HERC1: variants seen among roughly 807,000 people sequenced by gnomAD.
The protein encoded by HERC1 is probable E3 ubiquitin-protein ligase HERC1.
HERC1 carries 160 observed loss-of-function variants against 554.3 expected under a neutral mutation model. The observed-to-expected ratio is 0.29, with a 90% confidence interval of 0.25 to 0.33. HERC1 has a LOEUF of 0.33. Ranked by LOEUF, HERC1 falls within the 10% of genes least tolerant of loss-of-function variation. The probability of loss-of-function intolerance (pLI) is 1.00; values close to 1 mark genes in which losing one functional copy is unlikely to be tolerated. For missense variants in HERC1, 4,919 were observed against 5,918.5 expected, an observed-to-expected ratio of 0.83 and a Z score of 5.54; for synonymous variants, 2,175 against 2,131.7, an observed-to-expected ratio of 1.02 and a Z score of -0.56.
At chr15:63,757,400 T>C (rs2075460131) in intron 4 of HERC1, among the ~76,000 whole-genome samples, 1 of 151,460 alleles carries the variant, frequency 6.6e-6, no homozygotes, top group Non-Finnish European at 1.5e-5. Context: ...GTACATGAGA[T>C]TATAGGCACG....
chr15:63,694,437 C>T lies in HERC1; in HGVS notation c.5355G>A (p.Leu1785=), dbSNP rs2072289200. The T allele has an allele frequency of 6.2e-7, 1 of 1,613,978 alleles. No individual in the cohort carries two copies. Among genetic ancestry groups the T allele is most frequent in the Non-Finnish European group, 8.5e-7 (1 of 1,179,878 alleles). The change falls in exon 29 of 78, where the codon TTG becomes TTA. Residue 1785 remains leucine (L), a synonymous_variant. Transcript: ENST00000443617. The surrounding 1 kb of genome is among the most constrained non-coding windows in gnomAD (Gnocchi z 4.3). ...STGLLNVLSQ[L]CGTDTMLGQP... is the part of the protein sequence containing the mutation. Reference sequence around the variant, plus strand: ...GTCCTAGCATGGTGTCTGTACCACACAACTGTGACAATACGTTTAGCAGAC... The same window carrying T: ...GTCCTAGCATGGTGTCTGTACCACATAACTGTGACAATACGTTTAGCAGAC...
At chr15:63,815,685 T>C in intron 1 of HERC1, among the ~76,000 whole-genome samples, 1 of 152,210 alleles carries the variant, frequency 6.6e-6, no homozygotes, top group East Asian at 1.9e-4. Context: ...CTCTTCATGG[T>C]TGGATATATT....
intron 25 of HERC1, among the ~76,000 whole-genome samples, chr15:63,702,920 A>C (rs2072801006): frequency 6.6e-6 from 1 of 152,130 alleles, no homozygotes; most frequent in Non-Finnish European, 1.5e-5. Context: ...CCTGGCCAAC[A>C]TGGTGAAACT....
intron 8 of HERC1, among the ~76,000 whole-genome samples, chr15:63,752,274 A>G (rs577450072): frequency 1.3e-5 from 2 of 152,178 alleles, no homozygotes; most frequent in Non-Finnish European, 2.9e-5. Flanking sequence ...TGCCTGACAC[A>G]AGGTGGCCTC....
rs571256594 is a variant in HERC1, at chr15:63,739,432, A to G, written c.2521-4583T>C. Among the ~76,000 whole-genome samples, 83 of 151,726 alleles carry G rather than the reference A, an allele frequency of 5.5e-4. 1 individual carries two copies. Among genetic ancestry groups the G allele is most frequent in the Non-Finnish European group, 1.0e-3 (69 of 67,908 alleles). ...GGCTGGTCTCGAACTATTTATCTCA[A>G]GTGATCTACCCTCCTCGGCATCCCA... On this transcript the variant is annotated intron_variant, in intron 12 of 77. Coordinates refer to ENST00000443617, the MANE Select transcript of HERC1 (RefSeq NM_003922.4).
intron 27 of HERC1, among the ~76,000 whole-genome samples, chr15:63,695,543 C>T (rs937352063): frequency 5.3e-5 from 8 of 151,958 alleles, no homozygotes; most frequent in Non-Finnish European, 8.8e-5. Flanking sequence ...CCCACCACCA[C>T]GCCCAGCTAA....
rs1402730702 is a variant in HERC1 at position 63,634,114 on chromosome 15, G to T, written c.12571-144C>A. ...AATGGTTTCAGAGCATACTACAAAT[G>T]TTAACCAAAGTAAGTCAACAAGAAA... On this transcript the variant is annotated intron_variant, in intron 66 of 77. Transcript: ENST00000443617. 5 of 814,712 alleles carry T rather than the reference G, an allele frequency of 6.1e-6. No homozygotes were observed. In the East Asian group the frequency reaches 1.1e-4, roughly 17 times the overall value. 50.5% of individuals were successfully genotyped at this position (814,712 alleles called of 1,614,324 possible).
intron 51 of HERC1, 86 bp downstream of exon 51, chr15:63,654,033 A>G: frequency 1.0e-6 from 1 of 976,836 alleles, no homozygotes; most frequent in Non-Finnish European, 1.6e-6. Context: ...AAAGAGAGAG[A>G]CCTAAACTTT....
intron 1 of HERC1, among the ~76,000 whole-genome samples, chr15:63,817,590 C>T (rs2077534433): frequency 1.3e-5 from 2 of 152,180 alleles, no homozygotes; most frequent in South Asian, 4.1e-4. Flanking sequence ...CAGCACATGC[C>T]TGTAATCCCA....
At chr15:63,657,772 A>C (rs1463045440) in intron 48 of HERC1, among the ~76,000 whole-genome samples, 1 of 152,184 alleles carries the variant, frequency 6.6e-6, no homozygotes, top group Admixed American at 6.5e-5. Flanking sequence ...TTTTATATTT[A>C]GATCTAATAG....
chr15:63,794,547 G>C (rs2076754191), intron 1 of HERC1, among the ~76,000 whole-genome samples: 1 of 152,270 alleles, frequency 6.6e-6, no homozygotes, highest in South Asian at 2.1e-4. Flanking sequence ...AACCAGAGGT[G>C]ACCAGGCATC....
intron 33 of HERC1, among the ~76,000 whole-genome samples, chr15:63,687,811 G>A (rs570202464): frequency 3.2e-4 from 49 of 152,316 alleles, no homozygotes; most frequent in African/African-American, 1.2e-3. Flanking sequence ...CTCTGAAGAT[G>A]TGATAACTGA....
At chr15:63,769,977 A>G (rs982730591) in intron 2 of HERC1, among the ~76,000 whole-genome samples, 2 of 152,248 alleles carry the variant, frequency 1.3e-5, no homozygotes, top group African/African-American at 4.8e-5. Flanking sequence ...ATTCAAAGAC[A>G]TAAGATTAGA....
chr15:63,693,461 C>G (rs1233137394), intron 30 of HERC1, among the ~76,000 whole-genome samples: 1 of 152,076 alleles, frequency 6.6e-6, no homozygotes, highest in Non-Finnish European at 1.5e-5. Context: ...CCAGGCTGAT[C>G]TTGAACTCCT....
At chr15:63,741,553 T>C (rs530369575) in intron 12 of HERC1, among the ~76,000 whole-genome samples, 1 of 152,088 alleles carries the variant, frequency 6.6e-6, no homozygotes, top group Non-Finnish European at 1.5e-5. Context: ...GTGATCCACC[T>C]GCCTCGGCAT....
chr15:63,682,242 C>T (rs1227324889), intron 34 of HERC1, among the ~76,000 whole-genome samples: 1 of 152,114 alleles, frequency 6.6e-6, no homozygotes, highest in Non-Finnish European at 1.5e-5. Context: ...AAGATAAATC[C>T]AATCACAAGA....
intron 1 of HERC1, among the ~76,000 whole-genome samples, chr15:63,825,579 G>A (rs982987656): frequency 6.6e-6 from 1 of 152,046 alleles, no homozygotes; most frequent in African/African-American, 2.4e-5. Context: ...TTACCATCCT[G>A]TGACTTTTGT....
chr15:63,754,613 A>C lies in HERC1; in HGVS notation c.1666T>G (p.Leu556Val). The C allele has an allele frequency of 1.9e-6, 3 of 1,613,646 alleles. No homozygotes were observed. Among genetic ancestry groups the C allele is most frequent in the Non-Finnish European group, 2.5e-6 (3 of 1,179,686 alleles). Residue 556 changes from leucine to valine, a missense_variant, in exon 7 of 78, where the codon TTA becomes GTA. Leu to Val is a conservative substitution (Grantham distance 32). This residue lies in a region of HERC1 where 744 missense variants were observed against 1,090.0 expected (regional missense o/e 0.68). Transcript: ENST00000443617. ...GDSNSRNIPT[L>V]VKDISNVGEV... ...CCTACATTGCTGATGTCTTTTACTA[A>C]TGTTGGAATGTTACGACTATTGCTG...
chr15:63,628,018 G>A (rs762298892), intron 70 of HERC1, among the ~76,000 whole-genome samples: 2 of 152,196 alleles, frequency 1.3e-5, no homozygotes, highest in Non-Finnish European at 2.9e-5. Context: ...TGAGGAATTT[G>A]ACAAATGGTC....
Sources: allele counts gnomAD v4.1 joint callset (sites outside exome capture counted in the v4.1 genomes callset), GRCh38; gene constraint gnomAD v4.1.1; regional missense constraint gnomAD v4.1.1; non-coding constraint Gnocchi (gnomAD v3.1); transcripts MANE v1.5; gene names NCBI Gene and HGNC (gene_info 2026-07-23, HGNC 2026-07-21).